SLC16A5: variants seen among roughly 807,000 people sequenced by gnomAD.
The protein encoded by SLC16A5 is monocarboxylate transporter 6.
A neutral mutation model predicts 33.2 loss-of-function variants in SLC16A5; 29 were observed. The ratio of observed to expected loss-of-function variants is 0.87; its 90% CI spans 0.65 to 1.19. The LOEUF (loss-of-function observed/expected upper bound fraction) is 1.19. SLC16A5 is among the 50% of genes most tolerant of loss of function. The probability of loss-of-function intolerance (pLI) is 0.00; values close to 1 mark genes in which losing one functional copy is unlikely to be tolerated. For missense variants in SLC16A5, 606 were observed against 678.2 expected, an observed-to-expected ratio of 0.89 and a Z score of 1.18; for synonymous variants, 248 against 284.1, an observed-to-expected ratio of 0.87 and a Z score of 1.28.
At chr17:75,105,822 C>G (rs777353428) in intron 6 of SLC16A5, 58 bp from the exon 7 acceptor site, 4 of 1,485,300 alleles carry the variant, frequency 2.7e-6, no homozygotes, top group Non-Finnish European at 3.6e-6. Context: ...TTTGTTGATT[C>G]AGGCTCAACC....
intron 3 of SLC16A5, among the ~76,000 whole-genome samples, chr17:75,094,083 A>G (rs535502879): frequency 6.6e-6 from 1 of 152,214 alleles, no homozygotes; most frequent in African/African-American, 2.4e-5. Flanking sequence ...TTTCTGTGGG[A>G]TCCATTCCGA....
intron 6 of SLC16A5, chr17:75,104,508 C>A (rs2073839866): frequency 9.6e-7 from 1 of 1,045,898 alleles, no homozygotes; most frequent in Admixed American, 4.8e-5. Flanking sequence ...CAACCTCTGC[C>A]TCCCAAGTTC....
chr17:75,107,425 C>T (rs2073871579), downstream of SLC16A5, among the ~76,000 whole-genome samples: 1 of 152,244 alleles, frequency 6.6e-6, no homozygotes, highest in Middle Eastern at 3.2e-3. Flanking sequence ...TGAGTATCTA[C>T]TGTGTGCCAG....
chr17:75,105,238 G>C, intron 6 of SLC16A5: 2 of 985,436 alleles, frequency 2.0e-6, no homozygotes, highest in Non-Finnish European at 2.4e-6. Context: ...GGGCCCCCCT[G>C]CAGTCTCAGC....
intron 3 of SLC16A5, 86 bp downstream of exon 3, chr17:75,093,921 CTG>C: frequency 6.6e-7 from 1 of 1,523,896 alleles, no homozygotes. Context: ...TTCCCTCTCT[CTG>C]AGGCCACAGG....
chr17:75,108,833 A>G (rs2073883582), downstream of SLC16A5, among the ~76,000 whole-genome samples: 1 of 151,962 alleles, frequency 6.6e-6, no homozygotes, highest in Non-Finnish European at 1.5e-5. Context: ...TGTTTTGTGC[A>G]AGGTTGTGAC....
intron 5 of SLC16A5, among the ~76,000 whole-genome samples, chr17:75,102,532 A>G (rs2073812680): frequency 6.6e-6 from 1 of 151,872 alleles, no homozygotes; most frequent in African/African-American, 2.4e-5. Context: ...CCAAATAGGG[A>G]AGTAGAGGTG....
Position 75,100,399 on chromosome 17 carries a change from A to T in SLC16A5, c.736A>T (p.Met246Leu). ...TGYCVYILGV[M>L]WSVLGFPLPQ... ...CTACTGCGTGTACATACTGGGTGTG[A>T]TGTGGTCCGTCCTGGGCTTCCCACT... The change falls in exon 5 of 7, where the codon ATG becomes TTG. Residue 246 changes from methionine to leucine, a missense_variant. Transcript: ENST00000329783. 6.2e-7 allele frequency: 1 copy of T among 1,614,170 alleles called. No homozygotes were observed. The highest frequency in any genetic ancestry group is 8.5e-7 in the Non-Finnish European group (1 of 1,180,036).
At chr17:75,094,546 C>T (rs548989643) in intron 3 of SLC16A5, among the ~76,000 whole-genome samples, 92 of 151,870 alleles carry the variant, frequency 6.1e-4, no homozygotes, top group African/African-American at 1.8e-3. Flanking sequence ...ATTAGCTGGG[C>T]GTGGTGGCGG....
At chr17:75,105,384 GTTGT>G in intron 6 of SLC16A5, 5 of 985,398 alleles carry the variant, frequency 5.1e-6, no homozygotes, top group Non-Finnish European at 6.0e-6. Flanking sequence ...CCCGAAGACT[GTTGT>G]GAAAATGGGG....
chr17:75,103,959 C>G lies in SLC16A5; in HGVS notation c.1154-11C>G, dbSNP rs550673051. 1.9e-6 allele frequency: 3 copies of G among 1,612,884 alleles called. No homozygotes were observed. The East Asian group carries it at 6.7e-5, about 36-fold the overall frequency. ...TGGTAGCACTGGCCTAACTTGATCT[C>G]TGTTCCCCAGGGTTGCTCCTGGACG... On this transcript the variant is annotated splice_polypyrimidine_tract_variant and intron_variant, in intron 5 of 6. Transcript: ENST00000329783.
chr17:75,107,798 G>A (rs567265054), downstream of SLC16A5, among the ~76,000 whole-genome samples: 5 of 152,230 alleles, frequency 3.3e-5, no homozygotes, highest in East Asian at 9.7e-4. Flanking sequence ...TTAGCCGGGC[G>A]TCGTGGCGGG....
chr17:75,101,934 C>G (rs68128778), intron 5 of SLC16A5, among the ~76,000 whole-genome samples: 12,886 of 152,122 alleles, frequency 0.085, 753 homozygotes, highest in African/African-American at 0.17. Flanking sequence ...TGCGCCTGGC[C>G]ACTTCCTTTT....
chr17:75,100,191 C>G lies in SLC16A5; in HGVS notation c.528C>G (p.Gly176=), dbSNP rs750634162. 1 of 1,614,124 alleles carries G rather than the reference C, an allele frequency of 6.2e-7. No homozygotes were observed. The highest frequency in any genetic ancestry group is 2.2e-5 in the East Asian group (1 of 44,896). Reference sequence around the variant, plus strand: ...GGAGGGGTACCTTCCTTGTCTTCGGCGGGATCTTTCTCCACTGCTGCATCT... The same window carrying G: ...GGAGGGGTACCTTCCTTGTCTTCGGGGGGATCTTTCTCCACTGCTGCATCT... ...LGWRGTFLVF[G]GIFLHCCICG... The change falls in exon 5 of 7, where the codon GGC becomes GGG. Residue 176 remains glycine (G), a synonymous_variant. Coordinates refer to ENST00000329783, the MANE Select transcript of SLC16A5 (RefSeq NM_004695.4).
At chr17:75,102,134 G>A (rs72844539) in intron 5 of SLC16A5, among the ~76,000 whole-genome samples, 4,570 of 152,202 alleles carry the variant, frequency 0.03, 149 homozygotes, top group Middle Eastern at 0.16. Context: ...AAATGCAGAC[G>A]AGAGCACCTG....
intron 4 of SLC16A5, among the ~76,000 whole-genome samples, chr17:75,098,471 GGA>G (rs1247203373): frequency 6.6e-6 from 1 of 152,142 alleles, no homozygotes; most frequent in Non-Finnish European, 1.5e-5. Context: ...GGCTGAGGCA[GGA>G]GAATCGCCCG....
At chr17:75,094,273 C>G (rs1285746238) in intron 3 of SLC16A5, among the ~76,000 whole-genome samples, 3 of 152,210 alleles carry the variant, frequency 2.0e-5, no homozygotes, top group Non-Finnish European at 4.4e-5. Flanking sequence ...CAGGGAAGAC[C>G]ACTGTCTTCC....
Position 75,091,852 on chromosome 17 carries a change from G to A in SLC16A5, c.-48-1737G>A, listed in dbSNP as rs532135507. ...CGGTGAGGTCTGAGGGGGTTGGGGGGCCAGGGCGCAGGAGGCAGGATAGGA... is the reference window on the plus strand; with the variant it reads ...CGGTGAGGTCTGAGGGGGTTGGGGGACCAGGGCGCAGGAGGCAGGATAGGA... On this transcript the variant is annotated intron_variant, in intron 2 of 6. Transcript: ENST00000329783. Among the ~76,000 whole-genome samples the A allele has an allele frequency of 7.2e-5, 11 of 152,314 alleles. No homozygotes were observed. In the East Asian group the frequency reaches 1.7e-3, roughly 24 times the overall value.
intron 1 of SLC16A5, chr17:75,088,948 C>T (rs531222277): frequency 6.6e-6 from 1 of 152,350 alleles, no homozygotes; most frequent in South Asian, 2.1e-4. Context: ...GTCTAAACTT[C>T]TCCCTGCCCA....
Sources: allele counts gnomAD v4.1 joint callset (sites outside exome capture counted in the v4.1 genomes callset), GRCh38; gene constraint gnomAD v4.1.1; transcripts MANE v1.5; gene names NCBI Gene and HGNC (gene_info 2026-07-23, HGNC 2026-07-21).